PI4KA: variants seen among roughly 807,000 people sequenced by gnomAD.
PI4KA encodes phosphatidylinositol 4-kinase alpha.
Under a neutral mutation model 271.4 loss-of-function variants are expected in PI4KA, and 122 were observed. That is an observed-to-expected ratio of 0.45 (90% CI 0.39 to 0.52). PI4KA has a LOEUF of 0.52. PI4KA is among the 20% of genes least tolerant of loss of function. The pLI is 0.00. For missense variants in PI4KA, 1,969 were observed against 2,769.1 expected, an observed-to-expected ratio of 0.71 and a Z score of 6.48; for synonymous variants, 1,041 against 1,078.8, an observed-to-expected ratio of 0.96 and a Z score of 0.69.
At chr22:20,817,508 G>A (rs1921963648) in intron 7 of PI4KA, among the ~76,000 whole-genome samples, 2 of 151,790 alleles carry the variant, frequency 1.3e-5, no homozygotes, top group Admixed American at 1.3e-4. Flanking sequence ...GACCAAGGCA[G>A]GCGTTCCCTT....
At chr22:20,735,095 C>A (rs976604329) in intron 32 of PI4KA, among the ~76,000 whole-genome samples, 3 of 151,782 alleles carry the variant, frequency 2.0e-5, no homozygotes, top group African/African-American at 7.3e-5. Context: ...CAGGGTCAGG[C>A]TGCTCCCATG....
intron 25 of PI4KA, 44 bp from the exon 26 acceptor site, chr22:20,751,799 AG>A (rs755961504): frequency 6.4e-7 from 1 of 1,565,352 alleles, no homozygotes; most frequent in South Asian, 1.1e-5. Context: ...CAAACCTCCA[AG>A]GAAGGTCTGC....
intron 19 of PI4KA, among the ~76,000 whole-genome samples, chr22:20,789,776 T>C (rs1014959239): frequency 1.3e-5 from 2 of 152,222 alleles, no homozygotes; most frequent in African/African-American, 2.4e-5. Context: ...TGAGGTTACA[T>C]GCAAAATCTT....
chr22:20,792,371 C>A (rs973670801), intron 19 of PI4KA, among the ~76,000 whole-genome samples: 1 of 152,160 alleles, frequency 6.6e-6, no homozygotes. Context: ...CTGACCTCCA[C>A]GTCCCTAGGC....
intron 9 of PI4KA, among the ~76,000 whole-genome samples, 164 bp downstream of exon 9, chr22:20,810,803 C>T (rs567510003): frequency 1.3e-5 from 2 of 152,296 alleles, no homozygotes; most frequent in South Asian, 4.1e-4. Context: ...GTACCTACCA[C>T]AGACCAAGCC....
intron 28 of PI4KA, 74 bp downstream of exon 28, chr22:20,749,831 C>A (rs991356575): frequency 2.0e-5 from 16 of 810,538 alleles, no homozygotes; most frequent in Middle Eastern, 2.2e-4. Flanking sequence ...ATTTTGAGTT[C>A]TTCATGTCTC....
At position 20,747,718 on chromosome 22, in the gene PI4KA, C is replaced by T; in HGVS notation, c.3244-16G>A. 5 of 1,610,320 alleles carry T rather than the reference C, an allele frequency of 3.1e-6. No individual in the cohort carries two copies. Among genetic ancestry groups the T allele is most frequent in the Non-Finnish European group, 4.2e-6 (5 of 1,176,966 alleles). On this transcript the variant is annotated splice_polypyrimidine_tract_variant and intron_variant, in intron 28 of 54. Transcript: ENST00000255882. Reference sequence around the variant, plus strand: ...TCAGATATTCCTGAAATAGGAAAAACACATGGGGTTTCAGTTATTTATCTG... The same window carrying T: ...TCAGATATTCCTGAAATAGGAAAAATACATGGGGTTTCAGTTATTTATCTG...
chr22:20,842,750 T>C (rs1347575105), intron 1 of PI4KA, among the ~76,000 whole-genome samples: 1 of 149,328 alleles, frequency 6.7e-6, no homozygotes, highest in Non-Finnish European at 1.5e-5. Context: ...GAGCCGGAGA[T>C]AGCAGTGAGC....
chr22:20,800,731 G>A (rs1378860478), intron 14 of PI4KA, among the ~76,000 whole-genome samples: 1 of 149,610 alleles, frequency 6.7e-6, no homozygotes, highest in Non-Finnish European at 1.5e-5. Context: ...AAAATTAGCT[G>A]GGCATGGTGG....
chr22:20,733,508 A>T (rs1389673540), intron 35 of PI4KA, among the ~76,000 whole-genome samples: 10 of 149,658 alleles, frequency 6.7e-5, no homozygotes, highest in Admixed American at 1.3e-4. Flanking sequence ...ACTGAGGGAA[A>T]ATTTGCCTAC....
intron 2 of PI4KA, among the ~76,000 whole-genome samples, chr22:20,838,141 A>G (rs1309816511): frequency 6.6e-6 from 1 of 151,966 alleles, no homozygotes; most frequent in Non-Finnish European, 1.5e-5. Flanking sequence ...AAAACAAGAT[A>G]CACTGATACA....
intron 1 of PI4KA, among the ~76,000 whole-genome samples, chr22:20,848,019 C>T (rs1164971557): frequency 6.6e-6 from 1 of 152,102 alleles, no homozygotes; most frequent in Non-Finnish European, 1.5e-5. Context: ...GGGTGGATCA[C>T]CTGAGGTCAA....
intron 43 of PI4KA, 73 bp from the exon 44 acceptor site, chr22:20,718,895 C>T: frequency 6.6e-7 from 1 of 1,520,880 alleles, no homozygotes; most frequent in Non-Finnish European, 9.0e-7. Flanking sequence ...AGCCCTGTTT[C>T]CCAGGCCCCA....
At chr22:20,853,607 A>G (rs1569104808) in intron 1 of PI4KA, among the ~76,000 whole-genome samples, 2 of 152,204 alleles carry the variant, frequency 1.3e-5, no homozygotes. Flanking sequence ...CTTCACAGAC[A>G]GAGTGTCCTC....
chr22:20,729,415 T>C lies in PI4KA; in HGVS notation c.4580A>G (p.Asn1527Ser), dbSNP rs141277380. Reference protein sequence around the residue: ...LDQAGENSVANWRSKYISLSE... With the variant: ...LDQAGENSVASWRSKYISLSE... ...CAGGCTGATGTACTTAGATCTCCAG[T>C]TGGCCACGCTGTTCTCTCCGGCCTG... The change falls in exon 39 of 55, where the codon AAC becomes AGC. Residue 1527 changes from asparagine to serine, a missense_variant. This residue lies in a region of PI4KA where 388 missense variants were observed against 521.5 expected (regional missense o/e 0.74). Transcript: ENST00000255882. The C allele has an allele frequency of 6.2e-7, 1 of 1,613,718 alleles. No individual in the cohort carries two copies.
At chr22:20,804,154 C>T (rs551803209) in intron 12 of PI4KA, 146 bp downstream of exon 12, 39 of 632,814 alleles carry the variant, frequency 6.2e-5, no homozygotes, top group South Asian at 1.1e-4. Flanking sequence ...GAACTGTGCA[C>T]AGCACGCACT....
intron 25 of PI4KA, 91 bp from the exon 26 acceptor site, chr22:20,751,846 T>C (rs545557367): frequency 1.8e-6 from 2 of 1,122,508 alleles, no homozygotes; most frequent in African/African-American, 1.5e-5. Flanking sequence ...CCCGAGCCCA[T>C]ATCTGCTTCA....
At chr22:20,854,821 T>A (rs989537628) in intron 1 of PI4KA, among the ~76,000 whole-genome samples, 43 of 152,168 alleles carry the variant, frequency 2.8e-4, no homozygotes, top group African/African-American at 1.0e-3. Context: ...ATCTTTATTA[T>A]CTCAGGTGCG....
intron 18 of PI4KA, among the ~76,000 whole-genome samples, chr22:20,794,407 C>T (rs1012719271): frequency 6.6e-6 from 1 of 152,168 alleles, no homozygotes; most frequent in Non-Finnish European, 1.5e-5. Context: ...ATCCTGATGC[C>T]TAAGGTCCCG....
Sources: allele counts gnomAD v4.1 joint callset (sites outside exome capture counted in the v4.1 genomes callset), GRCh38; gene constraint gnomAD v4.1.1; regional missense constraint gnomAD v4.1.1; transcripts MANE v1.5; gene names NCBI Gene and HGNC (gene_info 2026-07-23, HGNC 2026-07-21).